Variants in NT5DC1 observed in about 807,000 individuals in gnomAD.
NT5DC1 encodes the protein 5'-nucleotidase domain-containing protein 1.
In NT5DC1, 42 loss-of-function variants were observed where a neutral mutation model predicts 59.4. The observed-to-expected ratio is 0.71, with a 90% CI of 0.55 to 0.92. The LOEUF (loss-of-function observed/expected upper bound fraction) is 0.92. NT5DC1 is among the 40% of genes least tolerant of loss of function. NT5DC1 has a pLI of 0.00. For missense variants in NT5DC1, 501 were observed against 537.1 expected (o/e 0.93, Z 0.66); for synonymous variants, 172 against 188.1 (o/e 0.91, Z 0.70).
At chr6:116,209,310 T>G (rs1038955848) in intron 6 of NT5DC1, among the ~76,000 whole-genome samples, 1 of 151,942 alleles carries the variant, frequency 6.6e-6, no homozygotes, top group African/African-American at 2.4e-5. Flanking sequence ...TGGGCTGTGG[T>G]TTGCCAACCT....
chr6:116,119,890 A>T (rs1364624656), intron 6 of NT5DC1: 3 of 620,848 alleles, frequency 4.8e-6, no homozygotes, highest in Non-Finnish European at 8.5e-6. Context: ...GAGGCTTCAC[A>T]TACGTTTTTA....
intron 7 of NT5DC1, among the ~76,000 whole-genome samples, chr6:116,222,393 G>A (rs1368796830): frequency 1.3e-5 from 2 of 152,062 alleles, no homozygotes; most frequent in Admixed American, 1.3e-4. Flanking sequence ...CTAGAATGTT[G>A]GGTAAATACT....
intron 6 of NT5DC1, among the ~76,000 whole-genome samples, chr6:116,128,202 G>A (rs566946963): frequency 6.6e-6 from 1 of 152,210 alleles, no homozygotes; most frequent in East Asian, 1.9e-4. Context: ...TATTGAATAA[G>A]CCTTGGACAT....
intron 6 of NT5DC1, among the ~76,000 whole-genome samples, chr6:116,201,199 C>T (rs1354708287): frequency 6.6e-6 from 1 of 151,932 alleles, no homozygotes; most frequent in Non-Finnish European, 1.5e-5. Flanking sequence ...AATACATGAG[C>T]AGATAAAAAA....
At chr6:116,174,598 T>C (rs956168244) in intron 6 of NT5DC1, among the ~76,000 whole-genome samples, 1 of 152,228 alleles carries the variant, frequency 6.6e-6, no homozygotes, top group African/African-American at 2.4e-5. Flanking sequence ...AAAACTTGTG[T>C]GAAGATTAGG....
chr6:116,193,421 C>G (rs1308260698), intron 6 of NT5DC1, among the ~76,000 whole-genome samples: 1 of 152,042 alleles, frequency 6.6e-6, no homozygotes, highest in Non-Finnish European at 1.5e-5. Flanking sequence ...AAAATGAAAA[C>G]TTGATTTCAA....
At chr6:116,189,158 GTTC>G (rs1205910515) in intron 6 of NT5DC1, among the ~76,000 whole-genome samples, 1 of 151,604 alleles carries the variant, frequency 6.6e-6, no homozygotes, top group Non-Finnish European at 1.5e-5. Flanking sequence ...CTTGAATTTT[GTTC>G]TTTTTTTTAG....
chr6:116,208,371 A>G (rs1781502649), intron 6 of NT5DC1, among the ~76,000 whole-genome samples: 2 of 152,028 alleles, frequency 1.3e-5, no homozygotes, highest in African/African-American at 2.4e-5. Context: ...AAAATGTTTT[A>G]TGCTTCACAA....
chr6:116,236,863 T>G, intron 8 of NT5DC1, 103 bp from the exon 9 acceptor site: 1 of 691,574 alleles, frequency 1.4e-6, no homozygotes, highest in South Asian at 1.8e-5. Context: ...CCCCACAAGG[T>G]TCTTGTTTGT....
At chr6:116,162,433 A>G (rs1780357061) in intron 6 of NT5DC1, among the ~76,000 whole-genome samples, 2 of 151,978 alleles carry the variant, frequency 1.3e-5, no homozygotes, top group South Asian at 4.1e-4. Context: ...GGTTCTTAGT[A>G]TTTTCAGTTA....
Position 116,248,713 on chromosome 6 carries a change from G to A in NT5DC1, c.*4689G>A. The A allele has an allele frequency of 6.6e-6, 1 of 152,212 alleles. No homozygotes were observed. The highest frequency in any genetic ancestry group is 1.9e-4 in the East Asian group (1 of 5,198). 9.4% of individuals were successfully genotyped at this position (152,212 alleles called of 1,614,324 possible). On this transcript the variant is annotated 3_prime_UTR_variant, in exon 12 of 12. Transcript: ENST00000319550. ...GAAACTAAAATGATACTTCTTAGGT[G>A]ACCAGAGGATGGGAGAACTTCTTAA...
intron 6 of NT5DC1, among the ~76,000 whole-genome samples, chr6:116,151,582 T>C (rs958063252): frequency 7.9e-5 from 12 of 152,238 alleles, no homozygotes; most frequent in Non-Finnish European, 1.5e-5. Flanking sequence ...GGTATGCTTT[T>C]AAAATTCACA....
chr6:116,174,848 A>C (rs1780697639), intron 6 of NT5DC1, among the ~76,000 whole-genome samples: 1 of 152,150 alleles, frequency 6.6e-6, no homozygotes, highest in Non-Finnish European at 1.5e-5. Context: ...GATTATTAAT[A>C]GTTCCCTACA....
chr6:116,249,327 T>G lies in NT5DC1; in HGVS notation c.*5303T>G, dbSNP rs1771906062. ...AAATTTTGGGCCATTTTTGTCAAATTTTTGCTTAGATGGCTACAAATACTT... is the reference window on the plus strand; with the variant it reads ...AAATTTTGGGCCATTTTTGTCAAATGTTTGCTTAGATGGCTACAAATACTT... On this transcript the variant is annotated 3_prime_UTR_variant, in exon 12 of 12. Coordinates refer to ENST00000319550, the MANE Select transcript of NT5DC1 (RefSeq NM_152729.3). 6.6e-6 allele frequency: 1 copy of G among 152,246 alleles called. No individual in the cohort carries two copies. The highest frequency in any genetic ancestry group is 2.1e-4 in the South Asian group (1 of 4,836). 9.4% of individuals were successfully genotyped at this position (152,246 alleles called of 1,614,324 possible). A position where few individuals can be genotyped will look rare whatever the true frequency, so the allele number is the denominator to read the frequency against.
At chr6:116,115,062 G>A (rs1778940034) in intron 4 of NT5DC1, among the ~76,000 whole-genome samples, 1 of 152,130 alleles carries the variant, frequency 6.6e-6, no homozygotes, top group Non-Finnish European at 1.5e-5. Context: ...TGCCAAAGAA[G>A]GGCTCAAATG....
At chr6:116,219,382 C>T (rs1325132827) in intron 6 of NT5DC1, among the ~76,000 whole-genome samples, 1 of 152,166 alleles carries the variant, frequency 6.6e-6, no homozygotes, top group Non-Finnish European at 1.5e-5. Context: ...TACATTACTT[C>T]AGGATCCTGC....
chr6:116,151,850 T>G (rs1272246855), intron 6 of NT5DC1, among the ~76,000 whole-genome samples: 2 of 152,228 alleles, frequency 1.3e-5, no homozygotes, highest in Admixed American at 1.3e-4. Flanking sequence ...GAGATATTAA[T>G]AAACTGATAG....
chr6:116,167,642 C>T (rs896006716), intron 6 of NT5DC1, among the ~76,000 whole-genome samples: 3 of 152,188 alleles, frequency 2.0e-5, no homozygotes, highest in African/African-American at 7.2e-5. Context: ...TCTTACCCTT[C>T]TACCCTTCGT....
Position 116,239,056 on chromosome 6 carries a change from T to C in NT5DC1, c.1185T>C (p.Tyr395=). 1.9e-6 allele frequency: 3 copies of C among 1,611,922 alleles called. No individual in the cohort carries two copies. Among genetic ancestry groups the C allele is most frequent in the South Asian group, 1.1e-5 (1 of 91,022 alleles). The part of the protein sequence containing the change: ...GLENTEDSLV[Y]TWSCKRISTY... The stretch of plus-strand genomic sequence containing the variant: ...AAAATACAGAAGACTCCTTGGTTTA[T>C]ACATGGTCTTGTAAGAGAATCAGTA... The change falls in exon 11 of 12, where the codon TAT becomes TAC. Residue 395 remains tyrosine, a synonymous_variant. Transcript: ENST00000319550.
Sources: gnomAD v4.1 joint callset for allele counts (sites outside exome capture counted in the v4.1 genomes callset) on GRCh38, gnomAD v4.1.1 for gene constraint, MANE v1.5 for transcripts, NCBI Gene and HGNC (gene_info 2026-07-23, HGNC 2026-07-21) for gene names.